RNASE12: variants seen among roughly 807,000 people sequenced by gnomAD.
The protein encoded by RNASE12 is ribonuclease A family member 12 (inactive), also known as probable inactive ribonuclease-like protein 12.
For missense variants in RNASE12, 161 were observed against 177.6 expected (o/e 0.91, Z 0.53); for synonymous variants, 55 against 59.8 (o/e 0.92, Z 0.37).
chr14:20,590,363 A>C, exon 1 of RNASE12: 1 of 1,614,192 alleles, frequency 6.2e-7, no homozygotes, highest in Non-Finnish European at 8.5e-7. Flanking sequence ...GAATAGTGGT[A>C]CCTGCAGGCA....
upstream of RNASE12, chr14:20,591,342 T>C (rs1030348954): frequency 2.1e-6 from 2 of 954,000 alleles, no homozygotes; most frequent in Non-Finnish European, 2.5e-6. Flanking sequence ...TGCTGTTCCC[T>C]GACAATAACT....
rs749311298 is a variant in RNASE12 at position 20,590,333 on chromosome 14, G to A, written c.391C>T (p.Leu131Phe). Reference sequence around the variant, plus strand: ...GGCCTCAAGTCATCACAAGTGACAAGAACAAACCCCTCTGTGGGGGAATAG... The same window carrying A: ...GGCCTCAAGTCATCACAAGTGACAAAAACAAACCCCTCTGTGGGGGAATAG... Residue 131 changes from leucine to phenylalanine, a missense_variant, in exon 1 of 1, where the codon CTT becomes TTT. Physicochemically the swap from Leu to Phe is conservative, Grantham distance 22 (BLOSUM62 0). Coordinates refer to ENST00000556526, the Ensembl canonical transcript of RNASE12. 2.5e-6 allele frequency: 4 copies of A among 1,614,200 alleles called. No individual in the cohort carries two copies. The East Asian group carries it at 8.9e-5, about 36-fold the overall frequency.
chr14:20,590,158 A>C (rs1594475089), downstream of RNASE12: 2 of 1,488,936 alleles, frequency 1.3e-6, no homozygotes, highest in Non-Finnish European at 1.8e-6. Flanking sequence ...TAAATTAATT[A>C]CCAGTGGCTT....
chr14:20,590,783 A>G (rs1312919543), exon 1 of RNASE12: 3 of 1,580,564 alleles, frequency 1.9e-6, no homozygotes, highest in Middle Eastern at 1.7e-4. Context: ...GGGAAGATAG[A>G]AAGTAGCAAA....
At chr14:20,590,285 T>C in exon 1 of RNASE12, 1 of 1,612,922 alleles carries the variant, frequency 6.2e-7, no homozygotes, top group East Asian at 2.2e-5. Flanking sequence ...TTGAGTTATT[T>C]AACATAGCCA....
chr14:20,590,219 G>A (rs1275522429), exon 1 of RNASE12: 7 of 1,584,812 alleles, frequency 4.4e-6, no homozygotes, highest in Non-Finnish European at 6.0e-6. Flanking sequence ...GTCTGCCTCA[G>A]GCACAGCCAG....
upstream of RNASE12, chr14:20,591,341 C>T (rs1884577239): frequency 7.3e-6 from 7 of 954,106 alleles, no homozygotes; most frequent in South Asian, 1.9e-4. Context: ...TTGCTGTTCC[C>T]TGACAATAAC....
upstream of RNASE12, chr14:20,590,969 G>A: frequency 7.3e-7 from 1 of 1,375,546 alleles, no homozygotes; most frequent in African/African-American, 1.5e-5. Context: ...GTACTGAGCT[G>A]TTCTCTAAAT....
chr14:20,590,647 G>A, exon 1 of RNASE12: 1 of 1,614,236 alleles, frequency 6.2e-7, no homozygotes, highest in Non-Finnish European at 8.5e-7. Context: ...GTGTTCTAAA[G>A]TTGACATCAC....
exon 1 of RNASE12, chr14:20,590,743 G>T: frequency 6.2e-7 from 1 of 1,605,136 alleles, no homozygotes; most frequent in Non-Finnish European, 8.5e-7. Context: ...GAGTGACTTC[G>T]CATCTTTGGC....
upstream of RNASE12, chr14:20,591,033 TCTC>T (rs2138902122): frequency 1.0e-6 from 1 of 985,298 alleles, no homozygotes; most frequent in Non-Finnish European, 1.2e-6. Flanking sequence ...AGATACCACA[TCTC>T]CTATTTCTCA....
chr14:20,590,269 C>G, exon 1 of RNASE12: 1 of 1,610,862 alleles, frequency 6.2e-7, no homozygotes, highest in Non-Finnish European at 8.5e-7. Flanking sequence ...GACTCGGGAG[C>G]TGATCTTGAG....
chr14:20,590,827 C>T, upstream of RNASE12: 1 of 1,525,446 alleles, frequency 6.6e-7, no homozygotes, highest in East Asian at 2.3e-5. Context: ...CAACCCCTGG[C>T]TGCTCCCCCA....
chr14:20,590,813 G>A, exon 1 of RNASE12: 2 of 1,542,176 alleles, frequency 1.3e-6, no homozygotes, highest in Non-Finnish European at 1.7e-6. Flanking sequence ...GATTCCTCCT[G>A]CTCCAACCCC....
chr14:20,590,676 A>G (rs1439006476), exon 1 of RNASE12: 1 of 1,614,112 alleles, frequency 6.2e-7, no homozygotes, highest in Admixed American at 1.7e-5. Context: ...CATTCACCTC[A>G]TTTTCCCAGA....
In RNASE12 at chr14:20,590,368, C is replaced by CA; in HGVS notation, c.355dup (p.Cys119LeufsTer17). The CA allele has an allele frequency of 6.2e-7, 1 of 1,614,178 alleles. No homozygotes were observed. Among genetic ancestry groups the CA allele is most frequent in the Middle Eastern group, 1.6e-4 (1 of 6,062 alleles). ...CTCTGTGGGGGAATAGTGGTACCTG[C>CA]AGGCAGGGTATCTTGTGCCTTCAAT... On this transcript the variant is annotated frameshift_variant, in exon 1 of 1. Coordinates refer to ENST00000556526, the Ensembl canonical transcript of RNASE12. LOFTEE classifies it low-confidence loss of function (END_TRUNC).
chr14:20,591,337 T>G (rs1884577100), upstream of RNASE12: 1 of 972,972 alleles, frequency 1.0e-6, no homozygotes, highest in African/African-American at 1.8e-5. Flanking sequence ...TGTCTTGCTG[T>G]TCCCTGACAA....
upstream of RNASE12, chr14:20,591,058 G>C (rs891666057): frequency 2.6e-5 from 26 of 985,058 alleles, no homozygotes; most frequent in African/African-American, 3.5e-5. Flanking sequence ...ATCCTTCGAA[G>C]TGCTCAACAC....
At chr14:20,590,393 T>G (rs1884545630) in exon 1 of RNASE12, 1 of 1,614,218 alleles carries the variant, frequency 6.2e-7, no homozygotes, top group Non-Finnish European at 8.5e-7. Context: ...GTGCCTTCAA[T>G]GAGCTGACAG....
Sources: allele counts gnomAD v4.1 joint callset, GRCh38; gene constraint gnomAD v4.1.1; transcripts MANE v1.5; gene names NCBI Gene and HGNC (gene_info 2026-07-23, HGNC 2026-07-21).